The following PCDH9 variants were observed in gnomAD, a reference collection of about 807,000 sequenced individuals.
The protein encoded by PCDH9 is protocadherin 9.
In PCDH9, 24 loss-of-function variants were observed where a neutral mutation model predicts 70.6. The observed-to-expected ratio is 0.34, with a 90% CI of 0.25 to 0.48. PCDH9 has a LOEUF of 0.48. PCDH9 is among the 20% of genes least tolerant of loss of function. The pLI is 0.99. For synonymous variants in PCDH9, 562 were observed against 558.5 expected, an observed-to-expected ratio of 1.01 and a Z score of -0.09; for missense variants, 1,281 against 1,503.6, an observed-to-expected ratio of 0.85 and a Z score of 2.45.
At chr13:66,790,315 G>T (rs1414882507) in intron 3 of PCDH9, among the ~76,000 whole-genome samples, 2 of 151,938 alleles carry the variant, frequency 1.3e-5, no homozygotes, top group Non-Finnish European at 2.9e-5. Flanking sequence ...ATTCCTAGCA[G>T]TTCATAATAT....
At chr13:67,141,001 T>C (rs1042545266) in intron 2 of PCDH9, among the ~76,000 whole-genome samples, 1 of 152,144 alleles carries the variant, frequency 6.6e-6, no homozygotes, top group Non-Finnish European at 1.5e-5. Flanking sequence ...GTATGTATTA[T>C]TGGAAGCTAT....
At chr13:66,677,795 C>T (rs1351326566) in intron 3 of PCDH9, among the ~76,000 whole-genome samples, 1 of 152,074 alleles carries the variant, frequency 6.6e-6, no homozygotes, top group Admixed American at 6.6e-5. Flanking sequence ...GTCAATTGAA[C>T]CTCTTCTCTT....
intron 2 of PCDH9, among the ~76,000 whole-genome samples, chr13:66,970,545 C>T (rs1243210507): frequency 7.4e-6 from 1 of 135,674 alleles, no homozygotes; most frequent in Non-Finnish European, 1.5e-5. Context: ...GAGGCTGAGA[C>T]AAAAGGATTG....
At chr13:66,415,259 T>C (rs1384872164) in intron 4 of PCDH9, among the ~76,000 whole-genome samples, 2 of 152,156 alleles carry the variant, frequency 1.3e-5, no homozygotes, top group Non-Finnish European at 2.9e-5. Flanking sequence ...TAGTATACTT[T>C]TGTTATTCAA....
intron 4 of PCDH9, among the ~76,000 whole-genome samples, chr13:66,488,601 C>T (rs1005540858): frequency 5.3e-5 from 8 of 151,470 alleles, no homozygotes; most frequent in Non-Finnish European, 1.2e-4. Flanking sequence ...AAAAAAAAAT[C>T]TCAGAAAATT....
At chr13:66,640,478 A>G (rs2077694104) in intron 3 of PCDH9, among the ~76,000 whole-genome samples, 2 of 152,076 alleles carry the variant, frequency 1.3e-5, no homozygotes, top group Non-Finnish European at 2.9e-5. Context: ...AATTAACCTC[A>G]GACTATGGCC....
At chr13:66,338,157 G>A (rs949863408) in intron 4 of PCDH9, among the ~76,000 whole-genome samples, 5 of 152,060 alleles carry the variant, frequency 3.3e-5, no homozygotes, top group African/African-American at 7.2e-5. Context: ...ACACATGAAC[G>A]AAATCATGTA....
chr13:67,228,708 T>C (rs1227207116), intron 1 of PCDH9, 133 bp from the exon 2 acceptor site: 4 of 333,326 alleles, frequency 1.2e-5, no homozygotes, highest in Non-Finnish European at 5.4e-6. Flanking sequence ...GCAAGTTTAC[T>C]CTGTGGAGAA....
chr13:66,449,869 A>T (rs1958171126), intron 4 of PCDH9, among the ~76,000 whole-genome samples: 1 of 152,168 alleles, frequency 6.6e-6, no homozygotes, highest in African/African-American at 2.4e-5. Context: ...TTTTCTATAT[A>T]TACTTATTAG....
intron 3 of PCDH9, among the ~76,000 whole-genome samples, chr13:66,807,688 G>A (rs1259186301): frequency 6.6e-6 from 1 of 152,082 alleles, no homozygotes; most frequent in Non-Finnish European, 1.5e-5. Context: ...ATTTTCAAAT[G>A]TATAAAATAT....
intron 3 of PCDH9, among the ~76,000 whole-genome samples, chr13:66,678,073 T>G (rs1470213174): frequency 1.3e-5 from 2 of 152,106 alleles, no homozygotes; most frequent in African/African-American, 4.8e-5. Context: ...GAAGAGACAT[T>G]GCAATATTAT....
At chr13:66,856,427 A>G (rs1208715307) in intron 3 of PCDH9, among the ~76,000 whole-genome samples, 1 of 152,108 alleles carries the variant, frequency 6.6e-6, no homozygotes, top group African/African-American at 2.4e-5. Flanking sequence ...TCACTTGAAA[A>G]TAGGTTATCA....
At chr13:67,005,977 A>T (rs7999101) in intron 2 of PCDH9, among the ~76,000 whole-genome samples, 5 of 152,006 alleles carry the variant, frequency 3.3e-5, no homozygotes, top group African/African-American at 7.3e-5. Flanking sequence ...CTGTAATCCC[A>T]GCACTTTGGG....
At chr13:66,748,661 T>C (rs2079409718) in intron 3 of PCDH9, among the ~76,000 whole-genome samples, 1 of 152,206 alleles carries the variant, frequency 6.6e-6, no homozygotes, top group African/African-American at 2.4e-5. Context: ...AGAGAACTAA[T>C]AGTATAAATT....
At chr13:66,795,294 C>T (rs947721270) in intron 3 of PCDH9, among the ~76,000 whole-genome samples, 1 of 152,048 alleles carries the variant, frequency 6.6e-6, no homozygotes, top group Non-Finnish European at 1.5e-5. Flanking sequence ...CATGTCAATG[C>T]TCAAGAAAGT....
At chr13:66,553,010 G>T (rs1057378095) in intron 4 of PCDH9, among the ~76,000 whole-genome samples, 14 of 152,002 alleles carry the variant, frequency 9.2e-5, no homozygotes, top group African/African-American at 2.7e-4. Flanking sequence ...GTGAGAACTC[G>T]CTATCACAAG....
intron 4 of PCDH9, among the ~76,000 whole-genome samples, chr13:66,539,213 A>G (rs977374575): frequency 6.6e-6 from 1 of 152,090 alleles, no homozygotes; most frequent in Non-Finnish European, 1.5e-5. Context: ...CCTCTTTAAC[A>G]ATATTCACTC....
rs552966375 is a variant in PCDH9, at chr13:66,307,712, T to A, written c.3341-2684A>T. 1.6e-3 allele frequency among the ~76,000 whole-genome samples: 240 copies of A among 152,014 alleles called. 1 individual carries two copies. The highest frequency in any genetic ancestry group is 4.4e-3 in the Admixed American group (67 of 15,216). Reference sequence around the variant, plus strand: ...ACCTCAGAAATGTCATTACATCAGGTTTTTATTGAGCTCATCAAAAAAGAG... The same window carrying A: ...ACCTCAGAAATGTCATTACATCAGGATTTTATTGAGCTCATCAAAAAAGAG... On this transcript the variant is annotated intron_variant, in intron 4 of 4. Transcript: ENST00000377865.
intron 2 of PCDH9, among the ~76,000 whole-genome samples, chr13:66,952,093 T>C (rs746289261): frequency 1.3e-5 from 2 of 152,214 alleles, no homozygotes; most frequent in Admixed American, 6.5e-5. Flanking sequence ...ATCTTCAATA[T>C]GACATTCCTC....
Sources: gnomAD v4.1 joint callset for allele counts (sites outside exome capture counted in the v4.1 genomes callset) on GRCh38, gnomAD v4.1.1 for gene constraint, MANE v1.5 for transcripts, NCBI Gene and HGNC (gene_info 2026-07-23, HGNC 2026-07-21) for gene names.